Variants in ACTR3C observed in about 807,000 individuals in gnomAD.
ACTR3C encodes the protein actin related protein 3C.
Under a neutral mutation model 26.3 loss-of-function variants are expected in ACTR3C, and 18 were observed. That is an observed-to-expected ratio of 0.68 (90% confidence interval 0.47 to 1.01). The LOEUF is 1.01. Ranked by LOEUF, ACTR3C falls within the 50% of genes least tolerant of loss-of-function variation. The pLI is 0.00. For missense variants in ACTR3C, 184 were observed against 250.7 expected (o/e 0.73, Z 1.80); for synonymous variants, 55 against 94.5 (o/e 0.58, Z 2.42).
the ACTR3C span, among the ~76,000 whole-genome samples, chr7:150,132,221 G>A: frequency 2.0e-5 from 3 of 152,114 alleles, no homozygotes; most frequent in Non-Finnish European, 2.9e-5. Flanking sequence ...AGGGTAGACG[G>A]GGAATAACTG....
the ACTR3C span, among the ~76,000 whole-genome samples, chr7:150,139,266 G>C: frequency 6.6e-6 from 1 of 152,258 alleles, no homozygotes; most frequent in African/African-American, 2.4e-5. Flanking sequence ...TCTTTGAAAA[G>C]AGCGTGCTCT....
At chr7:150,151,844 C>G in the ACTR3C span, among the ~76,000 whole-genome samples, 1 of 137,752 alleles carries the variant, frequency 7.3e-6, no homozygotes, top group African/African-American at 2.5e-5. Flanking sequence ...CTAACCTGCA[C>G]ATTGTGCACA....
At chr7:149,919,075 C>T in the ACTR3C span, among the ~76,000 whole-genome samples, 3 of 152,218 alleles carry the variant, frequency 2.0e-5, no homozygotes, top group South Asian at 2.1e-4. Context: ...TCTCTGCACC[C>T]ACAGTTAACT....
At chr7:149,901,773 G>A in the ACTR3C span, among the ~76,000 whole-genome samples, 1 of 151,844 alleles carries the variant, frequency 6.6e-6, no homozygotes, top group African/African-American at 2.4e-5. Context: ...AATCAGCCAG[G>A]CATGGTGGCA....
the ACTR3C span, among the ~76,000 whole-genome samples, chr7:150,120,930 A>T: frequency 1.3e-5 from 2 of 152,232 alleles, no homozygotes; most frequent in African/African-American, 4.8e-5. Context: ...GGGTGGTTCA[A>T]CATATGCAAA....
intron 1 of ACTR3C, among the ~76,000 whole-genome samples, chr7:150,313,526 T>G (rs1032267792): frequency 8.5e-5 from 13 of 152,228 alleles, no homozygotes; most frequent in Non-Finnish European, 1.6e-4. Context: ...ATGTTTCTTA[T>G]CAGACTTAAG....
the ACTR3C span, among the ~76,000 whole-genome samples, chr7:150,039,748 C>T: frequency 9.6e-4 from 139 of 145,146 alleles, no homozygotes; most frequent in African/African-American, 3.2e-3. Flanking sequence ...GGGGTGCCTC[C>T]CCCTCCTGCG....
At chr7:149,906,067 G>T in the ACTR3C span, among the ~76,000 whole-genome samples, 4 of 152,144 alleles carry the variant, frequency 2.6e-5, no homozygotes, top group East Asian at 7.7e-4. Context: ...ATTCTGATGT[G>T]GATCTGTATG....
intron 6 of ACTR3C, among the ~76,000 whole-genome samples, chr7:150,250,395 G>T (rs1335156722): frequency 6.6e-6 from 1 of 151,604 alleles, no homozygotes; most frequent in South Asian, 2.1e-4. Context: ...ACTAGAGACG[G>T]GGTTTCACCG....
At chr7:150,267,496 C>A (rs116010066) in intron 6 of ACTR3C, among the ~76,000 whole-genome samples, 5,818 of 152,222 alleles carry the variant, frequency 0.038, 323 homozygotes, top group African/African-American at 0.11. Context: ...GTGGTCAGAC[C>A]GACTACTGCA....
At chr7:150,017,010 C>A in the ACTR3C span, among the ~76,000 whole-genome samples, 2 of 151,984 alleles carry the variant, frequency 1.3e-5, no homozygotes, top group Non-Finnish European at 2.9e-5. Flanking sequence ...CAACTCCACA[C>A]CTAGATCTTG....
the ACTR3C span, among the ~76,000 whole-genome samples, chr7:150,213,626 C>A: frequency 1.3e-5 from 2 of 151,842 alleles, no homozygotes; most frequent in East Asian, 3.9e-4. Context: ...GATGAAATGC[C>A]CCAGGAGGGG....
intron 5 of ACTR3C, among the ~76,000 whole-genome samples, 192 bp from the exon 6 acceptor site, chr7:150,285,037 C>T (rs1264268677): frequency 6.6e-6 from 1 of 152,176 alleles, no homozygotes; most frequent in Admixed American, 6.5e-5. Flanking sequence ...CACATTTCTC[C>T]TCATGAGGTA....
At chr7:149,990,850 A>AGGGGAGTTAT in the ACTR3C span, among the ~76,000 whole-genome samples, 1 of 152,162 alleles carries the variant, frequency 6.6e-6, no homozygotes, top group African/African-American at 2.4e-5. Flanking sequence ...CAGTGTATTC[A>AGGGGAGTTAT]GGGGAGTTAT....
chr7:150,141,757 T>G, the ACTR3C span, among the ~76,000 whole-genome samples: 899 of 152,108 alleles, frequency 5.9e-3, 26 homozygotes, highest in South Asian at 0.091. Context: ...GTAAAGATTA[T>G]TACTACAAGC....
chr7:150,048,354 TC>T, the ACTR3C span, among the ~76,000 whole-genome samples: 1 of 151,562 alleles, frequency 6.6e-6, no homozygotes, highest in Non-Finnish European at 1.5e-5. Context: ...ACCGGCCTCC[TC>T]CCCGCGCCCG....
chr7:150,013,699 A>C, the ACTR3C span, among the ~76,000 whole-genome samples: 1 of 152,240 alleles, frequency 6.6e-6, no homozygotes, highest in Non-Finnish European at 1.5e-5. Context: ...AAGTCCCTGG[A>C]GCTGTCCCCA....
At chr7:150,227,675 G>T in the ACTR3C span, among the ~76,000 whole-genome samples, 1 of 145,616 alleles carries the variant, frequency 6.9e-6, no homozygotes, top group Admixed American at 6.8e-5. Flanking sequence ...AAAGGTATAA[G>T]GTTTGTGTCT....
the ACTR3C span, among the ~76,000 whole-genome samples, chr7:150,162,891 C>G: frequency 6.6e-6 from 1 of 152,230 alleles, no homozygotes; most frequent in Non-Finnish European, 1.5e-5. Flanking sequence ...GTGGCTCATG[C>G]CTGTAATCTC....
Sources: gnomAD v4.1 joint callset for allele counts (sites outside exome capture counted in the v4.1 genomes callset) on GRCh38, gnomAD v4.1.1 for gene constraint, MANE v1.5 for transcripts, NCBI Gene and HGNC (gene_info 2026-07-23, HGNC 2026-07-21) for gene names.